The following CPNE4 variants were observed in gnomAD, a reference collection of about 807,000 sequenced individuals.
The protein encoded by CPNE4 is copine-4.
In CPNE4, 25 loss-of-function variants were observed where a neutral mutation model predicts 67.9. The observed-to-expected ratio is 0.37, with a 90% CI of 0.27 to 0.51. The LOEUF (loss-of-function observed/expected upper bound fraction) is 0.51, where lower values mean the gene tolerates loss of function less well. CPNE4 is among the 20% of genes least tolerant of loss of function. The pLI is 0.93. For missense variants in CPNE4, 464 were observed against 690.8 expected (o/e 0.67, Z 3.68); for synonymous variants, 242 against 244.9 (o/e 0.99, Z 0.11).
At chr3:131,976,070 C>A (rs1583543343) in intron 1 of CPNE4, among the ~76,000 whole-genome samples, 1 of 134,406 alleles carries the variant, frequency 7.4e-6, no homozygotes. Context: ...AATAATCTGT[C>A]AATATTGTTG....
chr3:131,856,227 C>T (rs992623782), intron 2 of CPNE4, among the ~76,000 whole-genome samples: 9 of 151,596 alleles, frequency 5.9e-5, no homozygotes, highest in Admixed American at 3.9e-4. Context: ...AAAACATAAA[C>T]GTGTTTTATG....
intron 2 of CPNE4, among the ~76,000 whole-genome samples, chr3:131,743,303 T>C (rs1383414308): frequency 6.6e-6 from 1 of 152,224 alleles, no homozygotes; most frequent in East Asian, 1.9e-4. Flanking sequence ...AAAAGGGCAC[T>C]AGGACCAGAT....
intron 7 of CPNE4, among the ~76,000 whole-genome samples, chr3:131,655,853 CT>C (rs1340016324): frequency 6.6e-6 from 1 of 152,096 alleles, no homozygotes; most frequent in Admixed American, 6.5e-5. Flanking sequence ...ATGGTTAGTA[CT>C]AGACTTAATC....
At chr3:131,920,221 C>T (rs971567780) in intron 1 of CPNE4, among the ~76,000 whole-genome samples, 2 of 152,162 alleles carry the variant, frequency 1.3e-5, no homozygotes, top group Admixed American at 6.6e-5. Context: ...TTCTCATTTT[C>T]CTTCTCGTAC....
intron 2 of CPNE4, among the ~76,000 whole-genome samples, chr3:131,827,622 G>T (rs765682944): frequency 2.0e-5 from 3 of 152,018 alleles, no homozygotes; most frequent in Non-Finnish European, 2.9e-5. Flanking sequence ...TACCACAATG[G>T]CTGTTATGCT....
intron 7 of CPNE4, among the ~76,000 whole-genome samples, chr3:131,667,576 A>G (rs1045284467): frequency 7.9e-5 from 12 of 151,938 alleles, no homozygotes; most frequent in African/African-American, 2.9e-4. Flanking sequence ...GCACGTGTGG[A>G]GAAACCCTGA....
intron 7 of CPNE4, among the ~76,000 whole-genome samples, chr3:131,653,960 G>A (rs1002810042): frequency 2.0e-5 from 3 of 152,202 alleles, no homozygotes; most frequent in African/African-American, 7.2e-5. Context: ...GGGATTTAAT[G>A]TTCTCAGTCT....
intron 2 of CPNE4, among the ~76,000 whole-genome samples, chr3:131,822,998 C>A (rs2085017047): frequency 1.3e-5 from 2 of 152,132 alleles, no homozygotes; most frequent in Admixed American, 1.3e-4. Context: ...GCCACCACAC[C>A]CAGCTAATTT....
At chr3:131,638,688 A>G (rs2107790756) in intron 7 of CPNE4, among the ~76,000 whole-genome samples, 1 of 152,292 alleles carries the variant, frequency 6.6e-6, no homozygotes, top group Non-Finnish European at 1.5e-5. Context: ...ATATTTACAG[A>G]ACACTCTACC....
intron 1 of CPNE4, among the ~76,000 whole-genome samples, chr3:132,008,138 A>G (rs991581846): frequency 1.3e-5 from 2 of 152,176 alleles, no homozygotes; most frequent in African/African-American, 4.8e-5. Context: ...GGAATGATTC[A>G]GTTTCTTGGA....
rs528626326 is a variant in CPNE4 at position 131,998,086 on chromosome 3, T to C, written c.-2+36481A>G. Among the ~76,000 whole-genome samples the C allele has an allele frequency of 8.5e-5, 13 of 152,266 alleles. No homozygotes were observed. The South Asian group carries it at 1.9e-3, about 22-fold the overall frequency. On this transcript the variant is annotated intron_variant, in intron 1 of 15. Transcript: ENST00000429747. The stretch of plus-strand genomic sequence containing the variant: ...ATTCAAACCATAGCATTTAGCTAGA[T>C]TGAGAAAGGAAGGACCTGGATGTAG...
At chr3:131,826,341 G>C (rs894499035) in intron 2 of CPNE4, among the ~76,000 whole-genome samples, 1 of 151,930 alleles carries the variant, frequency 6.6e-6, no homozygotes, top group Non-Finnish European at 1.5e-5. Context: ...ACAGGTGCTT[G>C]CCACCATGCC....
chr3:131,806,100 T>C (rs2084298791), intron 2 of CPNE4, among the ~76,000 whole-genome samples: 1 of 152,216 alleles, frequency 6.6e-6, no homozygotes, highest in African/African-American at 2.4e-5. Flanking sequence ...AGGTCTTAAA[T>C]ATAACTGGAT....
At chr3:131,646,277 T>C (rs925893700) in intron 7 of CPNE4, among the ~76,000 whole-genome samples, 1 of 152,178 alleles carries the variant, frequency 6.6e-6, no homozygotes, top group Non-Finnish European at 1.5e-5. Context: ...AATGAATCAA[T>C]ATACAAATAT....
rs144222688 is a variant in CPNE4, at chr3:131,591,023, T to C, written c.682-3441A>G. On this transcript the variant is annotated intron_variant, in intron 7 of 15. Coordinates refer to ENST00000429747, the MANE Select transcript of CPNE4 (RefSeq NM_130808.3). The stretch of plus-strand genomic sequence containing the variant: ...TCACTCAGGATGTGCACTGTGATCA[T>C]CACATTGTAGAACACTGAATTGATC... Among the ~76,000 whole-genome samples, 6 of 152,316 alleles carry C rather than the reference T, an allele frequency of 3.9e-5. No individual in the cohort carries two copies. The East Asian group carries it at 1.2e-3, about 29-fold the overall frequency.
chr3:131,962,917 T>C (rs150514872), intron 1 of CPNE4, among the ~76,000 whole-genome samples: 206 of 152,194 alleles, frequency 1.4e-3, no homozygotes, highest in Admixed American at 4.0e-3. Context: ...ATAAAAAGAA[T>C]CCTCTCTCAT....
intron 3 of CPNE4, among the ~76,000 whole-genome samples, chr3:131,710,117 C>CAT (rs2081522212): frequency 6.6e-6 from 1 of 152,070 alleles, no homozygotes; most frequent in Non-Finnish European, 1.5e-5. Context: ...ATAAAGAATC[C>CAT]ATATATATTT....
intron 1 of CPNE4, among the ~76,000 whole-genome samples, chr3:132,019,097 A>AT (rs5852672): frequency 0.68 from 102,964 of 151,908 alleles, 35,701 homozygotes; most frequent in Middle Eastern, 0.75. Flanking sequence ...ACTTGAAAAG[A>AT]TTTCCTTTAT....
At position 131,775,257 on chromosome 3, in the gene CPNE4, T is replaced by C. The variant is rs115577005; in HGVS notation, c.181-51632A>G. On this transcript the variant is annotated intron_variant, in intron 2 of 15. Transcript: ENST00000429747. ...TATGAGGCAGTAGAATTTGAATATATTGTGACAGCCCAAAGCATAAATTCT... is the reference window on the plus strand; with the variant it reads ...TATGAGGCAGTAGAATTTGAATATACTGTGACAGCCCAAAGCATAAATTCT... 6.5e-3 allele frequency among the ~76,000 whole-genome samples: 985 copies of C among 152,218 alleles called. 6 individuals are homozygous for C. The highest frequency in any genetic ancestry group is 0.041 in the Middle Eastern group (12 of 294).
Sources: gnomAD v4.1 joint callset for allele counts (sites outside exome capture counted in the v4.1 genomes callset) on GRCh38, gnomAD v4.1.1 for gene constraint, MANE v1.5 for transcripts, NCBI Gene and HGNC (gene_info 2026-07-23, HGNC 2026-07-21) for gene names.